Variants in SYNE2 observed in about 807,000 individuals in gnomAD.
The protein encoded by SYNE2 is nesprin-2.
A neutral mutation model predicts 856.3 loss-of-function variants in SYNE2; 431 were observed. The observed-to-expected ratio is 0.50, with a 90% confidence interval of 0.47 to 0.55. The LOEUF is 0.55. Among genes scored for constraint, SYNE2 ranks in the 20% least tolerant of loss-of-function variants. The probability of loss-of-function intolerance (pLI) is 0.00; values close to 1 mark genes in which losing one functional copy is unlikely to be tolerated. For synonymous variants in SYNE2, 2,923 were observed against 2,872.3 expected, an observed-to-expected ratio of 1.02 and a Z score of -0.56; for missense variants, 8,129 against 8,023.2, an observed-to-expected ratio of 1.01 and a Z score of -0.50.
chr14:63,804,022 C>T (rs558086318), intron 1 of SYNE2, among the ~76,000 whole-genome samples: 18 of 152,280 alleles, frequency 1.2e-4, no homozygotes, highest in African/African-American at 4.3e-4. Flanking sequence ...CCTGCTCCGC[C>T]ATGGGAACTT....
Position 64,072,422 on chromosome 14 carries a change from G to A in SYNE2, c.10697+1512G>A, listed in dbSNP as rs189710261. Among the ~76,000 whole-genome samples the A allele has an allele frequency of 3.2e-3, 486 of 152,132 alleles. 1 individual carries two copies. Among genetic ancestry groups the A allele is most frequent in the African/African-American group, 0.011 (465 of 41,476 alleles). On this transcript the variant is annotated intron_variant, in intron 52 of 115. Transcript: ENST00000555002. Reference sequence around the variant, plus strand: ...CCGGAGACAGCATCAGATCACACAGGCTGGGGGCTCAATCCATCCCACAAG... The same window carrying A: ...CCGGAGACAGCATCAGATCACACAGACTGGGGGCTCAATCCATCCCACAAG...
chr14:63,998,813 T>C, intron 26 of SYNE2, 101 bp from the exon 27 acceptor site: 1 of 1,365,252 alleles, frequency 7.3e-7, no homozygotes, highest in South Asian at 1.2e-5. Context: ...TCCACCCGCC[T>C]TGGCCTCCCA....
rs565332969 is a variant in SYNE2, at chr14:63,874,161, T to TA, written c.-52+21019dup. Among the ~76,000 whole-genome samples, 13 of 152,316 alleles carry TA rather than the reference T, an allele frequency of 8.5e-5. No homozygotes were observed. The South Asian group carries it at 2.5e-3, about 29-fold the overall frequency. On this transcript the variant is annotated intron_variant, in intron 1 of 115. Transcript: ENST00000555002. ...TCTCTTCCTTACAGATTGCTTGCAT[T>TA]ACGTATCTATGAGATGTCCGTCTGT...
chr14:64,076,210 CTTTTA>C (rs2097457543), intron 54 of SYNE2, 110 bp downstream of exon 54: 2 of 1,233,144 alleles, frequency 1.6e-6, no homozygotes, highest in Non-Finnish European at 2.3e-6. Flanking sequence ...GCTATAACTT[CTTTTA>C]AGAGTTAAGT....
At chr14:63,834,751 C>T (rs553899242) in intron 1 of SYNE2, among the ~76,000 whole-genome samples, 1 of 151,774 alleles carries the variant, frequency 6.6e-6, no homozygotes, top group South Asian at 2.1e-4. Context: ...AGTGATTCTC[C>T]TGCCTCAGCT....
intron 45 of SYNE2, among the ~76,000 whole-genome samples, chr14:64,044,196 A>G (rs954304954): frequency 1.3e-5 from 2 of 152,188 alleles, no homozygotes; most frequent in Non-Finnish European, 2.9e-5. Flanking sequence ...TACCCCTTGC[A>G]TCAGCATGAC....
At chr14:63,834,166 T>C (rs1889768138) in intron 1 of SYNE2, among the ~76,000 whole-genome samples, 1 of 152,200 alleles carries the variant, frequency 6.6e-6, no homozygotes, top group Admixed American at 6.6e-5. Flanking sequence ...AATATGTTCA[T>C]ATATTTCACA....
intron 51 of SYNE2, among the ~76,000 whole-genome samples, chr14:64,066,269 ACAGGAGAATCGCTTGAGCC>A (rs1248658832): frequency 1.3e-5 from 2 of 152,068 alleles, no homozygotes; most frequent in East Asian, 1.9e-4. Flanking sequence ...GGAGGCTGAG[ACAGGAGAATCGCTTGAGCC>A]CAGGAGTTCT....
chr14:64,029,578 G>T (rs563258767), intron 43 of SYNE2, among the ~76,000 whole-genome samples: 1 of 152,250 alleles, frequency 6.6e-6, no homozygotes, highest in Admixed American at 6.5e-5. Flanking sequence ...ATGAATGTTT[G>T]GGATTTAATG....
Position 63,998,951 on chromosome 14 carries a change from C to A in SYNE2, c.3391C>A (p.Gln1131Lys). 3 of 1,614,026 alleles carry A rather than the reference C, an allele frequency of 1.9e-6. No homozygotes were observed. Among genetic ancestry groups the A allele is most frequent in the Non-Finnish European group, 2.5e-6 (3 of 1,179,946 alleles). ...CAGAGATATTCTTGAACACCACCTG[C>A]AAAACAACAAATTCAGGATTACTTC... ...TYRDILEHHL[Q>K]NNKFRITSDF... Residue 1131 changes from glutamine (Q) to lysine (K), a missense_variant, in exon 27 of 116, where the codon CAA becomes AAA. Gln to Lys is a moderately conservative substitution (Grantham distance 53, BLOSUM62 1). This residue lies in a region of SYNE2 where 2,422 missense variants were observed against 2,357.4 expected (regional missense o/e 1.03). Coordinates refer to ENST00000555002, the MANE Select transcript of SYNE2 (RefSeq NM_182914.3).
intron 1 of SYNE2, among the ~76,000 whole-genome samples, chr14:63,810,237 AG>A (rs1248585720): frequency 4.7e-5 from 7 of 149,336 alleles, no homozygotes; most frequent in African/African-American, 1.7e-4. Context: ...AAAAAAAAAG[AG>A]AGAGAGAGAG....
chr14:63,882,560 A>T (rs1294631263), intron 1 of SYNE2, among the ~76,000 whole-genome samples: 2 of 18,566 alleles, frequency 1.1e-4, no homozygotes, highest in Non-Finnish European at 3.1e-4. Flanking sequence ...TACACAAAGT[A>T]AAAAAAAAAA....
At chr14:63,982,937 A>G (rs2096597675) in intron 17 of SYNE2, 143 bp downstream of exon 17, 1 of 843,682 alleles carries the variant, frequency 1.2e-6, no homozygotes, top group Non-Finnish European at 1.9e-6. Context: ...GAACATTTTT[A>G]TTACTTCATA....
chr14:64,188,787 G>C, intron 98 of SYNE2, 79 bp downstream of exon 98: 1 of 1,459,370 alleles, frequency 6.9e-7, no homozygotes, highest in Non-Finnish European at 9.6e-7. Flanking sequence ...GCCCAAACAG[G>C]GGCAATGTTA....
intron 2 of SYNE2, among the ~76,000 whole-genome samples, chr14:63,911,630 G>A (rs536752528): frequency 1.3e-5 from 2 of 152,260 alleles, no homozygotes; most frequent in Admixed American, 6.5e-5. Context: ...GTTTTGACTA[G>A]GACAGTTTTC....
intron 19 of SYNE2, 26 bp downstream of exon 19, chr14:63,986,643 G>C: frequency 6.2e-7 from 1 of 1,608,578 alleles, no homozygotes; most frequent in Non-Finnish European, 8.5e-7. Flanking sequence ...TATTAAGAGG[G>C]TACTTTCATG....
At chr14:64,211,299 C>T (rs1287053837) in intron 103 of SYNE2, among the ~76,000 whole-genome samples, 1 of 152,190 alleles carries the variant, frequency 6.6e-6, no homozygotes, top group Non-Finnish European at 1.5e-5. Context: ...TTATCTCCTG[C>T]CGATCTGGCT....
intron 2 of SYNE2, among the ~76,000 whole-genome samples, chr14:63,917,554 T>C (rs2095547220): frequency 6.6e-6 from 1 of 152,222 alleles, no homozygotes; most frequent in African/African-American, 2.4e-5. Flanking sequence ...CACTGCAACC[T>C]CTGCCTCCCA....
chr14:63,891,858 G>A (rs927993349), intron 1 of SYNE2, among the ~76,000 whole-genome samples: 2 of 152,000 alleles, frequency 1.3e-5, no homozygotes, highest in South Asian at 2.1e-4. Flanking sequence ...AATTTGGGTC[G>A]GTTATAGTAG....
Sources: gnomAD v4.1 joint callset for allele counts (sites outside exome capture counted in the v4.1 genomes callset) on GRCh38, gnomAD v4.1.1 for gene constraint, gnomAD v4.1.1 regional missense constraint, MANE v1.5 for transcripts, NCBI Gene and HGNC (gene_info 2026-07-23, HGNC 2026-07-21) for gene names.